EIF2B3: variants seen among roughly 807,000 people sequenced by gnomAD.
The protein encoded by EIF2B3 is eukaryotic translation initiation factor 2B subunit gamma.
Under a neutral mutation model 54.1 loss-of-function variants are expected in EIF2B3, and 20 were observed. That is an observed-to-expected ratio of 0.37 (90% CI 0.26 to 0.54). EIF2B3 has a LOEUF of 0.54. EIF2B3 is among the 20% of genes least tolerant of loss of function. The pLI, the probability that EIF2B3 is intolerant of heterozygous loss-of-function variation, is 0.86. For synonymous variants in EIF2B3, 153 were observed against 188.1 expected (o/e 0.81, Z 1.52); for missense variants, 448 against 547.8 (o/e 0.82, Z 1.82).
intron 3 of EIF2B3, among the ~76,000 whole-genome samples, chr1:44,952,326 C>A (rs889796768): frequency 1.5e-4 from 23 of 151,620 alleles, no homozygotes; most frequent in African/African-American, 5.1e-4. Context: ...TCTTGAACTC[C>A]TGATCTCAGG....
At chr1:44,983,714 A>T (rs1212235929) in intron 1 of EIF2B3, among the ~76,000 whole-genome samples, 3 of 152,042 alleles carry the variant, frequency 2.0e-5, no homozygotes, top group Non-Finnish European at 2.9e-5. Context: ...TCTACTAAAA[A>T]AAAATTTTTT....
intron 5 of EIF2B3, among the ~76,000 whole-genome samples, chr1:44,926,244 A>T (rs534196361): frequency 6.6e-6 from 1 of 152,310 alleles, no homozygotes; most frequent in Admixed American, 6.5e-5. Flanking sequence ...CTTAAAACAA[A>T]AACCAAAGCC....
intron 3 of EIF2B3, among the ~76,000 whole-genome samples, chr1:44,955,083 G>T (rs778564278): frequency 6.6e-6 from 1 of 152,032 alleles, no homozygotes; most frequent in Non-Finnish European, 1.5e-5. Flanking sequence ...ACTTGATTGT[G>T]GTGGCTGGAG....
chr1:44,867,534 A>C (rs1002276310), intron 10 of EIF2B3, among the ~76,000 whole-genome samples: 9 of 152,054 alleles, frequency 5.9e-5, no homozygotes, highest in African/African-American at 1.9e-4. Context: ...GAATATGAGA[A>C]ACTCCCTTCT....
At chr1:44,956,009 A>G (rs1644219774) in intron 3 of EIF2B3, among the ~76,000 whole-genome samples, 1 of 152,210 alleles carries the variant, frequency 6.6e-6, no homozygotes, top group South Asian at 2.1e-4. Context: ...CAATCCCATT[A>G]CTGGGTATAT....
At chr1:44,912,296 A>G (rs1490643371) in intron 5 of EIF2B3, among the ~76,000 whole-genome samples, 1 of 152,192 alleles carries the variant, frequency 6.6e-6, no homozygotes, top group African/African-American at 2.4e-5. Flanking sequence ...TCTGTATTCC[A>G]AAGGACAGAA....
At chr1:44,865,504 G>A (rs2148896684) in intron 10 of EIF2B3, among the ~76,000 whole-genome samples, 2 of 151,168 alleles carry the variant, frequency 1.3e-5, no homozygotes, top group Middle Eastern at 7.0e-3. Context: ...CTGTGGTTTT[G>A]TTTTTTCAAT....
chr1:44,962,511 G>A (rs1047882952), intron 3 of EIF2B3, among the ~76,000 whole-genome samples: 1 of 152,132 alleles, frequency 6.6e-6, no homozygotes, highest in African/African-American at 2.4e-5. Context: ...CTTGGGCTCA[G>A]GGGATCCTCC....
At chr1:44,908,572 A>C (rs1458517086) in intron 5 of EIF2B3, among the ~76,000 whole-genome samples, 5 of 152,190 alleles carry the variant, frequency 3.3e-5, no homozygotes, top group African/African-American at 4.8e-5. Flanking sequence ...CTACTGATAG[A>C]ATGTTGAGAA....
At chr1:44,909,873 A>T (rs1469457261) in intron 5 of EIF2B3, among the ~76,000 whole-genome samples, 1 of 152,196 alleles carries the variant, frequency 6.6e-6, no homozygotes, top group East Asian at 1.9e-4. Context: ...TGGGAAAATA[A>T]TCAAGGGTTT....
chr1:44,887,514 C>T (rs189375448), intron 6 of EIF2B3, among the ~76,000 whole-genome samples: 189 of 152,228 alleles, frequency 1.2e-3, no homozygotes, highest in African/African-American at 4.2e-3. Context: ...ACAGAAATGG[C>T]GAAATCTTAC....
chr1:44,855,341 GC>G (rs1654402522), intron 11 of EIF2B3, among the ~76,000 whole-genome samples: 4 of 152,168 alleles, frequency 2.6e-5, no homozygotes, highest in Admixed American at 1.3e-4. Context: ...AAGCCAGAAA[GC>G]CCAGGAGTTT....
At chr1:44,923,938 T>TC (rs1480647878) in intron 5 of EIF2B3, among the ~76,000 whole-genome samples, 1 of 145,484 alleles carries the variant, frequency 6.9e-6, no homozygotes, top group Non-Finnish European at 1.5e-5. Context: ...CTAATTTCTT[T>TC]CCTTTTTTTT....
chr1:44,971,947 C>T (rs529742289), intron 3 of EIF2B3, among the ~76,000 whole-genome samples: 2 of 152,098 alleles, frequency 1.3e-5, no homozygotes, highest in South Asian at 2.1e-4. Context: ...GCAGGAGAAT[C>T]GCTTGAACCT....
At chr1:44,969,315 G>T (rs1341609200) in intron 3 of EIF2B3, among the ~76,000 whole-genome samples, 1 of 152,098 alleles carries the variant, frequency 6.6e-6, no homozygotes, top group African/African-American at 2.4e-5. Context: ...GGGGAAAAAA[G>T]AAATGGAGGG....
At chr1:44,919,546 T>C (rs1173541960) in intron 5 of EIF2B3, among the ~76,000 whole-genome samples, 3 of 152,128 alleles carry the variant, frequency 2.0e-5, no homozygotes, top group Admixed American at 2.0e-4. Flanking sequence ...ACATCACATG[T>C]TGTGTCATTT....
At chr1:44,915,440 C>T (rs539678429) in intron 5 of EIF2B3, among the ~76,000 whole-genome samples, 5 of 152,116 alleles carry the variant, frequency 3.3e-5, no homozygotes, top group Admixed American at 6.6e-5. Context: ...AAGTTCACTG[C>T]AGCCTTGGCC....
chr1:44,948,864 CT>C (rs5773859), intron 3 of EIF2B3, among the ~76,000 whole-genome samples: 25,679 of 150,868 alleles, frequency 0.17, 2,282 homozygotes, highest in Non-Finnish European at 0.18. Context: ...CTTTTCTTTT[CT>C]TTTTTTTTGA....
chr1:44,923,064 T>C (rs1184053481), intron 5 of EIF2B3, among the ~76,000 whole-genome samples: 1 of 152,130 alleles, frequency 6.6e-6, no homozygotes, highest in Non-Finnish European at 1.5e-5. Flanking sequence ...CTGATTTTCA[T>C]ATATTGACTT....
Sources: gnomAD v4.1 joint callset for allele counts (sites outside exome capture counted in the v4.1 genomes callset) on GRCh38, gnomAD v4.1.1 for gene constraint, MANE v1.5 for transcripts, NCBI Gene and HGNC (gene_info 2026-07-23, HGNC 2026-07-21) for gene names.